TMEM87B: variants seen among roughly 807,000 people sequenced by gnomAD.
The protein encoded by TMEM87B is transmembrane protein 87B.
A neutral mutation model predicts 80.3 loss-of-function variants in TMEM87B; 83 were observed. That is an observed-to-expected ratio of 1.03 (90% confidence interval 0.87 to 1.24). The LOEUF (loss-of-function observed/expected upper bound fraction) is 1.24. TMEM87B is among the 50% of genes most tolerant of loss of function. The pLI, the probability that TMEM87B is intolerant of heterozygous loss-of-function variation, is 0.00. For synonymous variants in TMEM87B, 219 were observed against 230.5 expected, an observed-to-expected ratio of 0.95 and a Z score of 0.45; for missense variants, 625 against 674.4, an observed-to-expected ratio of 0.93 and a Z score of 0.81.
chr2:112,063,674 A>G (rs1305142950), intron 2 of TMEM87B, among the ~76,000 whole-genome samples: 2 of 152,176 alleles, frequency 1.3e-5, no homozygotes, highest in African/African-American at 4.8e-5. Flanking sequence ...CTGGGCTATG[A>G]TAGGTGACCT....
At chr2:112,083,182 G>A (rs1679051689) in intron 8 of TMEM87B, among the ~76,000 whole-genome samples, 1 of 152,104 alleles carries the variant, frequency 6.6e-6, no homozygotes, top group African/African-American at 2.4e-5. Flanking sequence ...TTTTGTTTTG[G>A]GATGCTAGAT....
intron 3 of TMEM87B, among the ~76,000 whole-genome samples, 173 bp from the exon 4 acceptor site, chr2:112,066,763 T>C (rs963440276): frequency 6.6e-6 from 1 of 152,246 alleles, no homozygotes; most frequent in Non-Finnish European, 1.5e-5. Context: ...ATTATCTCAA[T>C]TATATTAAAA....
chr2:112,057,053 A>C (rs2104449471), intron 1 of TMEM87B, among the ~76,000 whole-genome samples: 1 of 152,334 alleles, frequency 6.6e-6, no homozygotes, highest in South Asian at 2.1e-4. Context: ...ATCTTTGCCA[A>C]GTGTACTTCT....
intron 9 of TMEM87B, among the ~76,000 whole-genome samples, chr2:112,086,449 G>A (rs1253682733): frequency 6.6e-6 from 1 of 152,200 alleles, no homozygotes; most frequent in African/African-American, 2.4e-5. Context: ...AGTGTTGGAA[G>A]AGAGAGTGGA....
At chr2:112,067,398 A>G (rs1331911642) in intron 4 of TMEM87B, among the ~76,000 whole-genome samples, 1 of 152,136 alleles carries the variant, frequency 6.6e-6, no homozygotes, top group Non-Finnish European at 1.5e-5. Context: ...ACCTGTGGTC[A>G]GGAGTTTGAG....
At chr2:112,095,161 C>CTTTGTTTTTTT (rs1679422955) in intron 11 of TMEM87B, 1 of 656,148 alleles carries the variant, frequency 1.5e-6, no homozygotes. Flanking sequence ...TCTTTTCTTT[C>CTTTGTTTTTTT]TTTCTTTTTT....
In TMEM87B at chr2:112,064,591, T is replaced by C. The variant is rs1220688678; in HGVS notation, c.318+338T>C. On this transcript the variant is annotated intron_variant, in intron 3 of 18. Coordinates refer to ENST00000283206, the MANE Select transcript of TMEM87B (RefSeq NM_032824.3). ...AATTATAGGGAAACTAGAACTGTATTGAGTACAAGTAGATTTAGTGAGCAC... is the reference window on the plus strand; with the variant it reads ...AATTATAGGGAAACTAGAACTGTATCGAGTACAAGTAGATTTAGTGAGCAC... 1.3e-5 allele frequency among the ~76,000 whole-genome samples: 2 copies of C among 152,202 alleles called. 1 individual carries two copies. The highest frequency in any genetic ancestry group is 4.8e-5 in the African/African-American group (2 of 41,464).
At chr2:112,064,550 T>C (rs1232468605) in intron 3 of TMEM87B, among the ~76,000 whole-genome samples, 2 of 152,200 alleles carry the variant, frequency 1.3e-5, no homozygotes, top group Non-Finnish European at 2.9e-5. Context: ...AGTTTAAATA[T>C]TTCACTTTTT....
At chr2:112,076,842 T>TTG (rs70962982) in intron 5 of TMEM87B, among the ~76,000 whole-genome samples, 5,636 of 139,068 alleles carry the variant, frequency 0.041, 175 homozygotes, top group South Asian at 0.086. Flanking sequence ...CTTTTCTGTT[T>TTG]TGTGTGTGTG....
chr2:112,082,934 G>A (rs1479604351), intron 8 of TMEM87B, among the ~76,000 whole-genome samples: 1 of 152,138 alleles, frequency 6.6e-6, no homozygotes, highest in East Asian at 1.9e-4. Context: ...GGCACTAGAG[G>A]GCTTGGAAGA....
Position 112,055,526 on chromosome 2 carries a change from GC to G in TMEM87B, c.-65del. On this transcript the variant is annotated 5_prime_UTR_variant, in exon 1 of 19. Transcript: ENST00000283206. ...CCGGATTCGGACCCGCCTGCCTGGG[GC>G]GGTGCTGCACCAGGTGCGGGTGTGG... 1 of 1,406,308 alleles carries G rather than the reference GC, an allele frequency of 7.1e-7. No homozygotes were observed. The highest frequency in any genetic ancestry group is 9.2e-7 in the Non-Finnish European group (1 of 1,082,928). The allele number at this position is 1,406,308 out of a possible 1,614,324, so 87.1% of individuals were successfully genotyped here. A position where few individuals can be genotyped will look rare whatever the true frequency, so the allele number is the denominator to read the frequency against.
In TMEM87B at chr2:112,067,087, T is replaced by C. The variant is rs201676564; in HGVS notation, c.450+20T>C. On this transcript the variant is annotated intron_variant, in intron 4 of 18. Coordinates refer to ENST00000283206, the MANE Select transcript of TMEM87B (RefSeq NM_032824.3). ...TTGAATGTGAGTATCTGACTTGCCA[T>C]GTTAAAGTTTATTTTATTCCCAGTG... The C allele has an allele frequency of 6.2e-7, 1 of 1,604,304 alleles. No individual in the cohort carries two copies. Among genetic ancestry groups the C allele is most frequent in the East Asian group, 2.2e-5 (1 of 44,466 alleles).
At position 112,097,064 on chromosome 2, in the gene TMEM87B, A is replaced by G. The variant is rs1573718427; in HGVS notation, c.1125A>G (p.Gln375=). ...FVWFIFISLA[Q]TMKTLRLRKN... ...TTCACATTTTTATTAGTTTGGCACAAACTATGAAGACCCTAAGGCTAAGAA... is the reference window on the plus strand; with the variant it reads ...TTCACATTTTTATTAGTTTGGCACAGACTATGAAGACCCTAAGGCTAAGAA... Residue 375 remains glutamine (Q), a synonymous_variant, in exon 12 of 19, where the codon CAA becomes CAG. Transcript: ENST00000283206. 1 of 1,596,646 alleles carries G rather than the reference A, an allele frequency of 6.3e-7. No homozygotes were observed. Among genetic ancestry groups the G allele is most frequent in the African/African-American group, 1.4e-5 (1 of 73,844 alleles).
intron 17 of TMEM87B, 80 bp downstream of exon 17, chr2:112,107,920 G>T: frequency 2.0e-6 from 2 of 989,914 alleles, no homozygotes; most frequent in Admixed American, 2.1e-5. Context: ...TTTGTCATGT[G>T]CTTTTCAAAC....
At chr2:112,060,072 G>A (rs749713778) in intron 2 of TMEM87B, 35 bp downstream of exon 2, 1 of 1,487,416 alleles carries the variant, frequency 6.7e-7, no homozygotes, top group South Asian at 1.3e-5. Flanking sequence ...ACTAGACTGG[G>A]CGCAATGGCT....
intron 8 of TMEM87B, among the ~76,000 whole-genome samples, chr2:112,082,136 G>T (rs1404002562): frequency 6.6e-6 from 1 of 152,184 alleles, no homozygotes; most frequent in Non-Finnish European, 1.5e-5. Flanking sequence ...AGAAGTAAAG[G>T]TACAACTCTC....
chr2:112,088,815 G>C (rs1387480877), intron 9 of TMEM87B, among the ~76,000 whole-genome samples: 1 of 152,114 alleles, frequency 6.6e-6, no homozygotes, highest in African/African-American at 2.4e-5. Flanking sequence ...CTAGAGTGCA[G>C]TGGTGCGATC....
At chr2:112,094,440 C>T (rs1007331386) in intron 11 of TMEM87B, among the ~76,000 whole-genome samples, 1 of 152,138 alleles carries the variant, frequency 6.6e-6, no homozygotes, top group Non-Finnish European at 1.5e-5. Context: ...GGATTACAGG[C>T]GTGAGCCACC....
intron 4 of TMEM87B, among the ~76,000 whole-genome samples, chr2:112,072,887 CTCT>C (rs1378517134): frequency 1.4e-5 from 2 of 140,718 alleles, no homozygotes; most frequent in Non-Finnish European, 3.1e-5. Flanking sequence ...ATCTTTTTAA[CTCT>C]TCTTCTTTTT....
Sources: allele counts gnomAD v4.1 joint callset (sites outside exome capture counted in the v4.1 genomes callset), GRCh38; gene constraint gnomAD v4.1.1; transcripts MANE v1.5; gene names NCBI Gene and HGNC (gene_info 2026-07-23, HGNC 2026-07-21).